NSRP1: variants seen among roughly 807,000 people sequenced by gnomAD.
NSRP1 encodes the protein coiled-coil domain containing 55.
A neutral mutation model predicts 54.7 loss-of-function variants in NSRP1; 24 were observed. That is an observed-to-expected ratio of 0.44 (90% CI 0.32 to 0.62). NSRP1 has a LOEUF of 0.62. Among genes scored for constraint, NSRP1 ranks in the 20% least tolerant of loss-of-function variants. NSRP1 has a pLI of 0.06. For missense variants in NSRP1, 596 were observed against 651.2 expected (o/e 0.92, Z 0.92); for synonymous variants, 210 against 213.8 (o/e 0.98, Z 0.15).
At chr17:30,141,461 C>T (rs923275975) in intron 2 of NSRP1, among the ~76,000 whole-genome samples, 1 of 152,064 alleles carries the variant, frequency 6.6e-6, no homozygotes, top group Non-Finnish European at 1.5e-5. Context: ...AATCCTAATT[C>T]ATTTTGTCTA....
chr17:30,146,296 C>T (rs2071854309), intron 2 of NSRP1, among the ~76,000 whole-genome samples: 1 of 152,288 alleles, frequency 6.6e-6, no homozygotes, highest in East Asian at 1.9e-4. Context: ...AAAATTAAAA[C>T]TCTTCTGAGA....
chr17:30,177,628 T>C (rs1218557741), intron 3 of NSRP1, among the ~76,000 whole-genome samples: 1 of 152,158 alleles, frequency 6.6e-6, no homozygotes, highest in Admixed American at 6.5e-5. Flanking sequence ...TAATATATAA[T>C]ACAGGCCTCT....
intron 2 of NSRP1, among the ~76,000 whole-genome samples, chr17:30,158,308 ATT>A (rs35919418): frequency 3.7e-5 from 5 of 133,810 alleles, no homozygotes; most frequent in Admixed American, 1.5e-4. Context: ...TTTTAATGGC[ATT>A]TTTTTTTTTT....
At chr17:30,146,362 T>C (rs1275499377) in intron 2 of NSRP1, among the ~76,000 whole-genome samples, 1 of 152,210 alleles carries the variant, frequency 6.6e-6, no homozygotes, top group Non-Finnish European at 1.5e-5. Flanking sequence ...AGGAACTACA[T>C]GTAAGTGTGG....
chr17:30,170,237 A>G (rs1417282153), intron 2 of NSRP1, among the ~76,000 whole-genome samples: 1 of 152,206 alleles, frequency 6.6e-6, no homozygotes, highest in Non-Finnish European at 1.5e-5. Flanking sequence ...GTATATAACA[A>G]TTATGGGATA....
chr17:30,148,997 A>G (rs1465074704), intron 2 of NSRP1, among the ~76,000 whole-genome samples: 2 of 151,956 alleles, frequency 1.3e-5, no homozygotes, highest in Non-Finnish European at 2.9e-5. Flanking sequence ...TCCCTGGGTT[A>G]TTTTGTCAAT....
chr17:30,177,090 C>G (rs900927374), intron 3 of NSRP1, among the ~76,000 whole-genome samples: 3 of 152,096 alleles, frequency 2.0e-5, no homozygotes, highest in African/African-American at 7.2e-5. Context: ...ACGCCCATGC[C>G]TGGCATGGTG....
rs529982933 is a variant in NSRP1, at chr17:30,178,150, A to G, written c.251A>G (p.Lys84Arg). 2.5e-6 allele frequency: 4 copies of G among 1,610,472 alleles called. No individual in the cohort carries two copies. The African/African-American group carries it at 5.3e-5, about 22-fold the overall frequency. Residue 84 changes from lysine to arginine, a missense_variant, in exon 4 of 7, where the codon AAA (lysine) becomes AGA (arginine). Physicochemically the swap from Lys to Arg is conservative, Grantham distance 26. Coordinates refer to ENST00000247026, the MANE Select transcript of NSRP1 (RefSeq NM_032141.4). ...GACAGTATTTATGATGAAATGCAGAAAAAAAAGGAGGAAAATAATCCCAAA... is the reference window on the plus strand; with the variant it reads ...GACAGTATTTATGATGAAATGCAGAGAAAAAAGGAGGAAAATAATCCCAAA... The part of the protein sequence containing the change: ...EYDSIYDEMQ[K>R]KKEENNPKLL...
At chr17:30,144,981 ATTTTG>A (rs1332734661) in intron 2 of NSRP1, among the ~76,000 whole-genome samples, 1 of 152,068 alleles carries the variant, frequency 6.6e-6, no homozygotes, top group Non-Finnish European at 1.5e-5. Flanking sequence ...TTTAAATTAT[ATTTTG>A]TTTTGAGTAC....
Position 30,141,189 on chromosome 17 carries a change from T to C in NSRP1, c.114+23016T>C, listed in dbSNP as rs142590895. Among the ~76,000 whole-genome samples, 143 of 152,342 alleles carry C rather than the reference T, an allele frequency of 9.4e-4. No individual in the cohort carries two copies. In the East Asian group the frequency reaches 0.023, roughly 25 times the overall value. ...TTTTATTACTTTTTTCTTTTATCTT[T>C]ATTATCTCCATATAATCTTCCTTTG... is the stretch of plus-strand genomic sequence containing the variant. On this transcript the variant is annotated intron_variant, in intron 2 of 6. Transcript: ENST00000247026.
intron 2 of NSRP1, 72 bp from the exon 3 acceptor site, chr17:30,172,470 A>G (rs985047920): frequency 3.9e-5 from 47 of 1,190,666 alleles, no homozygotes; most frequent in Non-Finnish European, 5.0e-5. Flanking sequence ...TGTATTTTAG[A>G]TAGGGGACGC....
intron 3 of NSRP1, among the ~76,000 whole-genome samples, chr17:30,177,772 A>G (rs1319984693): frequency 6.6e-6 from 1 of 152,212 alleles, no homozygotes; most frequent in East Asian, 1.9e-4. Flanking sequence ...TTTTAAGTTT[A>G]GTCATTTAAT....
chr17:30,144,653 C>T (rs1453381901), intron 2 of NSRP1: 1 of 152,152 alleles, frequency 6.6e-6, no homozygotes, highest in South Asian at 2.1e-4. Flanking sequence ...ACACACATCC[C>T]TATGTCTATA....
chr17:30,152,903 C>CTTTTTTTTTTTTTTTTTT (rs60246615), intron 2 of NSRP1, among the ~76,000 whole-genome samples: 7 of 46,854 alleles, frequency 1.5e-4, no homozygotes, highest in Non-Finnish European at 1.5e-4. Flanking sequence ...TTATTTTCAG[C>CTTTTTTTTTTTTTTTTTT]TTTTTTTTTT....
Position 30,184,965 on chromosome 17 carries a change from A to G in NSRP1, c.968A>G (p.Lys323Arg), listed in dbSNP as rs1195728591. Residue 323 changes from lysine (K) to arginine (R), a missense_variant, in exon 7 of 7, where the codon AAG becomes AGG. Transcript: ENST00000247026. ...AAAAGGGAAGATCAGCACCAGCAGAAGCAATCCAGAGACCAAGAGAACCAT... is the reference window on the plus strand; with the variant it reads ...AAAAGGGAAGATCAGCACCAGCAGAGGCAATCCAGAGACCAAGAGAACCAT... Reference protein sequence around the residue: ...HEKREDQHQQKQSRDQENHYT... With the variant: ...HEKREDQHQQRQSRDQENHYT... The G allele has an allele frequency of 6.2e-7, 1 of 1,614,140 alleles. No homozygotes were observed. Among genetic ancestry groups the G allele is most frequent in the Admixed American group, 1.7e-5 (1 of 60,020 alleles).
At chr17:30,117,187 G>A (rs112170621) in intron 1 of NSRP1, 6 of 688,534 alleles carry the variant, frequency 8.7e-6, no homozygotes, top group South Asian at 3.1e-5. Context: ...GTTTCTCCCC[G>A]CTTGGATGCT....
In NSRP1 at chr17:30,185,321, G is replaced by A. The variant is rs1292512448; in HGVS notation, c.1324G>A (p.Val442Ile). ...DKYRDREKRE[V>I]GVQSSERNQD... is the part of the protein sequence containing the mutation. ...ATACAGAGATAGAGAAAAACGAGAGGTAGGTGTTCAGTCTTCAGAAAGAAA... is the reference window on the plus strand; with the variant it reads ...ATACAGAGATAGAGAAAAACGAGAGATAGGTGTTCAGTCTTCAGAAAGAAA... Residue 442 changes from valine to isoleucine, a missense_variant, in exon 7 of 7, where the codon GTA becomes ATA. Transcript: ENST00000247026. The A allele has an allele frequency of 1.2e-6, 2 of 1,607,396 alleles. No individual in the cohort carries two copies. The highest frequency in any genetic ancestry group is 4.5e-5 in the East Asian group (2 of 44,866).
chr17:30,154,192 G>T (rs1052491700), intron 2 of NSRP1, among the ~76,000 whole-genome samples: 1 of 151,932 alleles, frequency 6.6e-6, no homozygotes, highest in Non-Finnish European at 1.5e-5. Context: ...GTGGTGGCAG[G>T]TGCCTGTGGT....
In NSRP1 at chr17:30,163,679, C is replaced by CTT. The variant is rs370423700; in HGVS notation, c.115-8842_115-8841dup. On this transcript the variant is annotated intron_variant, in intron 2 of 6. Coordinates refer to ENST00000247026, the MANE Select transcript of NSRP1 (RefSeq NM_032141.4). Reference sequence around the variant, plus strand: ...GTTTATGGTGCCTATACTTTGACCACTTTTTTTTTTTTTTTTTTTTTTGAG... The same window carrying CTT: ...GTTTATGGTGCCTATACTTTGACCACTTTTTTTTTTTTTTTTTTTTTTTTGAG... Among the ~76,000 whole-genome samples, 1,032 of 90,760 alleles carry CTT rather than the reference C, an allele frequency of 0.011. 56 individuals carry two copies. In the East Asian group the frequency reaches 0.13, roughly 11 times the overall value. The allele number at this position is 90,760 out of a possible 152,430, so 59.5% of individuals were successfully genotyped here.
Sources: gnomAD v4.1 joint callset for allele counts (sites outside exome capture counted in the v4.1 genomes callset) on GRCh38, gnomAD v4.1.1 for gene constraint, MANE v1.5 for transcripts, NCBI Gene and HGNC (gene_info 2026-07-23, HGNC 2026-07-21) for gene names.